Variants in MYCBP2 observed in about 807,000 individuals in gnomAD.
The protein encoded by MYCBP2 is MYC binding protein 2.
MYCBP2 carries 120 observed loss-of-function variants against 525.3 expected under a neutral mutation model. The observed-to-expected ratio is 0.23, with a 90% CI of 0.20 to 0.27. The LOEUF (loss-of-function observed/expected upper bound fraction) is 0.27, where lower values mean the gene tolerates loss of function less well. Among genes scored for constraint, MYCBP2 ranks in the 10% least tolerant of loss-of-function variants. The probability of loss-of-function intolerance (pLI) is 1.00; values close to 1 mark genes in which losing one functional copy is unlikely to be tolerated. For missense variants in MYCBP2, 4,149 were observed against 5,657.1 expected, an observed-to-expected ratio of 0.73 and a Z score of 8.55; for synonymous variants, 1,894 against 1,955.8, an observed-to-expected ratio of 0.97 and a Z score of 0.83.
At position 77,074,011 on chromosome 13, in the gene MYCBP2, C is replaced by G. The variant is rs577403476; in HGVS notation, c.11823+2740G>C. On this transcript the variant is annotated intron_variant, in intron 68 of 82. Transcript: ENST00000544440. Reference sequence around the variant, plus strand: ...AAATTCCATCCCCACCGCCCCCCCCCCTTTTTTTTTTAAAGAAACGGTCAA... The same window carrying G: ...AAATTCCATCCCCACCGCCCCCCCCGCTTTTTTTTTTAAAGAAACGGTCAA... Among the ~76,000 whole-genome samples the G allele has an allele frequency of 4.2e-4, 58 of 138,296 alleles. 1 individual carries two copies. The highest frequency in any genetic ancestry group is 9.6e-4 in the African/African-American group (37 of 38,580). 90.7% of individuals were successfully genotyped at this position (138,296 alleles called of 152,430 possible).
At chr13:77,047,284 T>C (rs990259368) in intron 82 of MYCBP2, among the ~76,000 whole-genome samples, 8 of 152,164 alleles carry the variant, frequency 5.3e-5, no homozygotes, top group African/African-American at 1.9e-4. Context: ...TTTGTAGATA[T>C]GAAACTGAAG....
chr13:77,201,160 G>C (rs1442961190), intron 26 of MYCBP2, among the ~76,000 whole-genome samples: 1 of 151,816 alleles, frequency 6.6e-6, no homozygotes, highest in African/African-American at 2.4e-5. Context: ...CTCACGTGCA[G>C]AGACGCATAT....
Position 77,086,240 on chromosome 13 carries a change from G to A in MYCBP2, c.10875+1244C>T, listed in dbSNP as rs149844885. Among the ~76,000 whole-genome samples, 22 of 151,620 alleles carry A rather than the reference G, an allele frequency of 1.5e-4. 1 individual carries two copies. In the East Asian group the frequency reaches 3.1e-3, roughly 21 times the overall value. On this transcript the variant is annotated intron_variant, in intron 62 of 82. Transcript: ENST00000544440. ...GTTAACAAGTATTTTCTTTCAGCAC[G>A]TTGAAAAAAACCAACTGACAGCCTT... is the stretch of plus-strand genomic sequence containing the variant.
chr13:77,146,098 T>A, intron 48 of MYCBP2, 64 bp downstream of exon 48: 1 of 1,036,518 alleles, frequency 9.6e-7, no homozygotes, highest in Non-Finnish European at 1.4e-6. Flanking sequence ...AAATGCAGGA[T>A]GATTTTAGTT....
chr13:77,229,953 T>C (rs1040685826), intron 18 of MYCBP2, among the ~76,000 whole-genome samples: 4 of 152,230 alleles, frequency 2.6e-5, no homozygotes, highest in Non-Finnish European at 5.9e-5. Context: ...TTCCTAACTA[T>C]GTACACTATT....
intron 62 of MYCBP2, among the ~76,000 whole-genome samples, chr13:77,084,316 C>G (rs2043839343): frequency 6.6e-6 from 1 of 152,132 alleles, no homozygotes. Flanking sequence ...CCAATGTAAG[C>G]CCATCAAACT....
chr13:77,294,110 A>ATATATG (rs1555465554), intron 2 of MYCBP2, among the ~76,000 whole-genome samples: 4 of 51,154 alleles, frequency 7.8e-5, no homozygotes, highest in Non-Finnish European at 1.0e-4. Context: ...ATGGCTATAT[A>ATATATG]TATATATATA....
intron 62 of MYCBP2, among the ~76,000 whole-genome samples, chr13:77,087,010 C>T (rs1594396028): frequency 6.6e-6 from 1 of 152,134 alleles, no homozygotes; most frequent in Non-Finnish European, 1.5e-5. Context: ...ATAATTACAA[C>T]CATTGTTGAG....
At chr13:77,202,216 C>G (rs1315630419) in intron 26 of MYCBP2, among the ~76,000 whole-genome samples, 2 of 152,150 alleles carry the variant, frequency 1.3e-5, no homozygotes, top group Non-Finnish European at 2.9e-5. Context: ...GATATCATCA[C>G]CGATCCCACA....
At chr13:77,271,608 C>T (rs1016464547) in intron 5 of MYCBP2, among the ~76,000 whole-genome samples, 8 of 152,104 alleles carry the variant, frequency 5.3e-5, no homozygotes, top group African/African-American at 1.4e-4. Flanking sequence ...CTCATGATAG[C>T]GAATAAGCCT....
intron 1 of MYCBP2, among the ~76,000 whole-genome samples, chr13:77,318,628 C>T (rs1388023947): frequency 1.3e-5 from 2 of 152,090 alleles, no homozygotes. Flanking sequence ...GTGGGACACG[C>T]CTGTAATCCC....
intron 14 of MYCBP2, among the ~76,000 whole-genome samples, chr13:77,252,939 G>A (rs1441713758): frequency 1.3e-5 from 2 of 151,906 alleles, no homozygotes; most frequent in Non-Finnish European, 2.9e-5. Flanking sequence ...AATCTTTACA[G>A]TCAATGGAAT....
chr13:77,162,351 TC>T (rs1417512154), intron 43 of MYCBP2, among the ~76,000 whole-genome samples: 1 of 152,244 alleles, frequency 6.6e-6, no homozygotes, highest in South Asian at 2.1e-4. Flanking sequence ...CAACAGGGAC[TC>T]ACAGAAAAAT....
At chr13:77,111,206 C>T (rs2048761060) in intron 55 of MYCBP2, among the ~76,000 whole-genome samples, 1 of 152,046 alleles carries the variant, frequency 6.6e-6, no homozygotes, top group Admixed American at 6.6e-5. Context: ...CTATTTTCAA[C>T]TTGTCAGTCA....
Position 77,165,340 on chromosome 13 carries a change from T to A in MYCBP2, c.6392A>T (p.Asp2131Val). The A allele has an allele frequency of 5.0e-6, 8 of 1,612,480 alleles. No individual in the cohort carries two copies. The highest frequency in any genetic ancestry group is 6.8e-6 in the Non-Finnish European group (8 of 1,179,420). ...CTTAAAACCATAGAAAGAAGCTTTG[T>A]CATCTTTCACATAATCTGATGCAGT... ...LETASDYVKD[D>V]KASFYGFKCF... is the part of the protein sequence containing the mutation. The change falls in exon 42 of 83, where the codon GAC becomes GTC. Residue 2131 changes from aspartate to valine, a missense_variant. By Grantham distance (152) the Asp-to-Val change is radical. Coordinates refer to ENST00000544440, the MANE Select transcript of MYCBP2 (RefSeq NM_015057.5).
At chr13:77,153,718 C>T (rs2056833532) in intron 46 of MYCBP2, among the ~76,000 whole-genome samples, 1 of 131,644 alleles carries the variant, frequency 7.6e-6, no homozygotes, top group African/African-American at 2.8e-5. Flanking sequence ...ATGTGACTTT[C>T]TCTTGTCAAT....
At chr13:77,191,648 T>C (rs774907013) in intron 28 of MYCBP2, 31 bp downstream of exon 28, 1 of 1,602,084 alleles carries the variant, frequency 6.2e-7, no homozygotes, top group Admixed American at 1.7e-5. Flanking sequence ...AAAATAAGTA[T>C]TGCTTAAGTA....
Position 77,068,824 on chromosome 13 carries a change from G to A in MYCBP2, c.11912C>T (p.Ala3971Val). The A allele has an allele frequency of 6.2e-7, 1 of 1,613,514 alleles. No individual in the cohort carries two copies. Among genetic ancestry groups the A allele is most frequent in the Non-Finnish European group, 8.5e-7 (1 of 1,179,916 alleles). The change falls in exon 70 of 83, where the codon GCT becomes GTT. Residue 3971 changes from alanine to valine, a missense_variant. Transcript: ENST00000544440. ...KLTNLQKQVC[A>V]HIVQAIRMEA... is the part of the protein sequence containing the mutation. Reference sequence around the variant, plus strand: ...CATGCGAATAGCTTGGACAATATGAGCACACACCTATTTAAAGTTAACACA... The same window carrying A: ...CATGCGAATAGCTTGGACAATATGAACACACACCTATTTAAAGTTAACACA...
At chr13:77,285,257 C>A (rs1021580969) in intron 3 of MYCBP2, among the ~76,000 whole-genome samples, 7 of 152,286 alleles carry the variant, frequency 4.6e-5, no homozygotes, top group African/African-American at 1.4e-4. Context: ...TTTTCTCTCA[C>A]AATATTGAAC....
Sources: allele counts gnomAD v4.1 joint callset (sites outside exome capture counted in the v4.1 genomes callset), GRCh38; gene constraint gnomAD v4.1.1; transcripts MANE v1.5; gene names NCBI Gene and HGNC (gene_info 2026-07-23, HGNC 2026-07-21).